Variants in MTSS1 observed in about 807,000 individuals in gnomAD.
MTSS1 encodes the protein protein MTSS 1.
MTSS1 carries 18 observed loss-of-function variants against 79.0 expected under a neutral mutation model. The ratio of observed to expected loss-of-function variants is 0.23; its 90% CI spans 0.16 to 0.34. The LOEUF (loss-of-function observed/expected upper bound fraction) is 0.34. Among genes scored for constraint, MTSS1 ranks in the 10% least tolerant of loss-of-function variants. The probability of loss-of-function intolerance (pLI) is 1.00; values close to 1 mark genes in which losing one functional copy is unlikely to be tolerated. For missense variants in MTSS1, 815 were observed against 986.2 expected, an observed-to-expected ratio of 0.83 and a Z score of 2.33; for synonymous variants, 341 against 368.6, an observed-to-expected ratio of 0.93 and a Z score of 0.86.
At chr8:124,577,668 G>A in intron 6 of MTSS1, 1 of 516,238 alleles carries the variant, frequency 1.9e-6, no homozygotes, top group South Asian at 1.4e-5. Context: ...GGGTCTGGCT[G>A]TGCCTACATT....
At chr8:124,650,339 T>C (rs959542317) in intron 3 of MTSS1, among the ~76,000 whole-genome samples, 7 of 152,170 alleles carry the variant, frequency 4.6e-5, no homozygotes, top group Admixed American at 6.6e-5. Flanking sequence ...AAAGAGCTTA[T>C]GTTTTAAAGG....
intron 5 of MTSS1, among the ~76,000 whole-genome samples, chr8:124,588,542 A>G (rs928277925): frequency 2.0e-5 from 3 of 152,166 alleles, no homozygotes; most frequent in Non-Finnish European, 2.9e-5. Context: ...GTCCCTGACA[A>G]CTCACTCAAC....
intron 3 of MTSS1, among the ~76,000 whole-genome samples, chr8:124,684,452 A>G (rs951083112): frequency 2.0e-5 from 3 of 152,244 alleles, no homozygotes; most frequent in African/African-American, 7.2e-5. Flanking sequence ...AAAGAAAAGA[A>G]CGAATGACAA....
chr8:124,724,978 T>C (rs1833479587), intron 1 of MTSS1, among the ~76,000 whole-genome samples: 1 of 152,166 alleles, frequency 6.6e-6, no homozygotes, highest in South Asian at 2.1e-4. Context: ...TGATCAGCGA[T>C]TTACTAATTT....
chr8:124,591,328 C>T (rs766337853), intron 3 of MTSS1, 93 bp from the exon 4 acceptor site: 27 of 1,032,322 alleles, frequency 2.6e-5, no homozygotes, highest in Non-Finnish European at 4.1e-5. Context: ...CAGATTTCAC[C>T]ACATTGTAAA....
chr8:124,669,910 T>G (rs937772662), intron 3 of MTSS1, among the ~76,000 whole-genome samples: 1 of 152,208 alleles, frequency 6.6e-6, no homozygotes, highest in Non-Finnish European at 1.5e-5. Flanking sequence ...GTAGGATGTG[T>G]CTGCAAGCAC....
chr8:124,557,735 A>G lies in MTSS1; in HGVS notation c.1176T>C (p.His392=), dbSNP rs1447790003. The change falls in exon 11 of 14, where the codon CAT becomes CAC. Residue 392 remains histidine, a synonymous_variant. Transcript: ENST00000518547. ...ACATGCCGGGCCCAATGGTGTAATA[A>G]TGAGCGTAGTCTGGAAGGTGGACAG... The part of the protein sequence containing the change: ...VTSVHLPDYA[H]YYTIGPGMFP... 1.9e-6 allele frequency: 3 copies of G among 1,601,286 alleles called. No homozygotes were observed. The highest frequency in any genetic ancestry group is 2.6e-6 in the Non-Finnish European group (3 of 1,173,936).
chr8:124,555,645 G>A (rs1823500275), intron 13 of MTSS1, 97 bp downstream of exon 13: 35 of 1,340,010 alleles, frequency 2.6e-5, no homozygotes, highest in Non-Finnish European at 3.2e-5. Flanking sequence ...GTTAGTTAGC[G>A]AGTGGTGGGT....
intron 5 of MTSS1, among the ~76,000 whole-genome samples, chr8:124,588,551 AC>A (rs1831274220): frequency 6.6e-6 from 1 of 152,178 alleles, no homozygotes; most frequent in African/African-American, 2.4e-5. Context: ...AACTCACTCA[AC>A]CAGTTCACAA....
chr8:124,586,126 G>A (rs1830820494), intron 5 of MTSS1, among the ~76,000 whole-genome samples: 1 of 152,170 alleles, frequency 6.6e-6, no homozygotes, highest in Non-Finnish European at 1.5e-5. Context: ...AGACACCTGG[G>A]ATGATGGTCA....
At chr8:124,643,368 C>T (rs979289797) in intron 3 of MTSS1, among the ~76,000 whole-genome samples, 2 of 152,080 alleles carry the variant, frequency 1.3e-5, no homozygotes, top group African/African-American at 4.8e-5. Flanking sequence ...GTTGTTCCTG[C>T]AGCCACGGAA....
chr8:124,715,495 C>T (rs1224901246), intron 1 of MTSS1, among the ~76,000 whole-genome samples: 10 of 152,100 alleles, frequency 6.6e-5, no homozygotes, highest in Admixed American at 5.2e-4. Context: ...GGCCTTGCTG[C>T]GCTATACACG....
intron 3 of MTSS1, among the ~76,000 whole-genome samples, chr8:124,627,085 G>A (rs542175760): frequency 7.9e-5 from 12 of 152,168 alleles, no homozygotes; most frequent in South Asian, 2.1e-4. Context: ...AGTTTGCACC[G>A]AGAAAAGCTT....
chr8:124,636,556 A>G (rs1817033536), intron 3 of MTSS1, among the ~76,000 whole-genome samples: 1 of 152,218 alleles, frequency 6.6e-6, no homozygotes, highest in Non-Finnish European at 1.5e-5. Context: ...AGAGAACATA[A>G]CATGATCATT....
chr8:124,588,383 T>C (rs1831241718), intron 5 of MTSS1, among the ~76,000 whole-genome samples: 1 of 152,192 alleles, frequency 6.6e-6, no homozygotes, highest in South Asian at 2.1e-4. Context: ...GCCTAGCATG[T>C]AAAAAGCATC....
At chr8:124,563,033 TAAAG>T (rs769155227) in intron 9 of MTSS1, 41 bp from the exon 10 acceptor site, 1 of 1,534,684 alleles carries the variant, frequency 6.5e-7, no homozygotes, top group Non-Finnish European at 8.8e-7. Flanking sequence ...GCACGGAAGG[TAAAG>T]AAAGGGGAGC....
In MTSS1 at chr8:124,648,715, C is replaced by G. The variant is rs576213295; in HGVS notation, c.208+50811G>C. Reference sequence around the variant, plus strand: ...GTCTTCATCCCAAATAGCAGCCCCCCCCCAGATACTGACCAGACGGTGTTC... The same window carrying G: ...GTCTTCATCCCAAATAGCAGCCCCCGCCCAGATACTGACCAGACGGTGTTC... On this transcript the variant is annotated intron_variant, in intron 3 of 13. Transcript: ENST00000518547. Among the ~76,000 whole-genome samples the G allele has an allele frequency of 1.6e-3, 233 of 147,570 alleles. 2 individuals are homozygous for G. Among genetic ancestry groups the G allele is most frequent in the African/African-American group, 5.3e-3 (198 of 37,080 alleles).
At chr8:124,613,900 G>C (rs547296016) in intron 3 of MTSS1, among the ~76,000 whole-genome samples, 178 of 152,320 alleles carry the variant, frequency 1.2e-3, no homozygotes, top group African/African-American at 4.1e-3. Flanking sequence ...TGGGCACAGT[G>C]GCTGTCATCC....
At chr8:124,584,726 G>A (rs932845768) in intron 6 of MTSS1, among the ~76,000 whole-genome samples, 2 of 152,220 alleles carry the variant, frequency 1.3e-5, no homozygotes, top group African/African-American at 2.4e-5. Flanking sequence ...AGCTGCAGGA[G>A]AAAATGACAT....
Sources: allele counts gnomAD v4.1 joint callset (sites outside exome capture counted in the v4.1 genomes callset), GRCh38; gene constraint gnomAD v4.1.1; transcripts MANE v1.5; gene names NCBI Gene and HGNC (gene_info 2026-07-23, HGNC 2026-07-21).